The following HDGF variants were observed in gnomAD, a reference collection of about 807,000 sequenced individuals.
HDGF encodes heparin binding growth factor.
HDGF carries 5 observed loss-of-function variants against 30.0 expected under a neutral mutation model. That is an observed-to-expected ratio of 0.17 (90% CI 0.09 to 0.35). HDGF has a LOEUF of 0.35. HDGF is among the 10% of genes least tolerant of loss of function. The probability of loss-of-function intolerance (pLI) is 1.00; values close to 1 mark genes in which losing one functional copy is unlikely to be tolerated. For synonymous variants in HDGF, 133 were observed against 112.7 expected, an observed-to-expected ratio of 1.18 and a Z score of -1.14; for missense variants, 214 against 302.8, an observed-to-expected ratio of 0.71 and a Z score of 2.18.
chr1:156,753,771 G>A (rs1313390173), upstream of HDGF, among the ~76,000 whole-genome samples: 5 of 151,842 alleles, frequency 3.3e-5, no homozygotes, highest in Middle Eastern at 6.4e-3. Flanking sequence ...GCCTGGTTTC[G>A]AACTCCTGAT....
At position 156,742,311 on chromosome 1, in the gene HDGF, G is replaced by A. The variant is rs1219762679; in HGVS notation, c.*1138C>T. 1 of 152,610 alleles carries A rather than the reference G, an allele frequency of 6.6e-6. No homozygotes were observed. The highest frequency in any genetic ancestry group is 1.9e-4 in the East Asian group (1 of 5,196). 9.5% of individuals were successfully genotyped at this position (152,610 alleles called of 1,614,324 possible). A position where few individuals can be genotyped will look rare whatever the true frequency, so the allele number is the denominator to read the frequency against. On this transcript the variant is annotated 3_prime_UTR_variant, in exon 6 of 6. Coordinates refer to ENST00000357325, the MANE Select transcript of HDGF (RefSeq NM_004494.3). ...ACTTATTTCTCTCTGTCCTCTCAGT[G>A]GGTTACAAATCAGATCTGGTGACAA...
At chr1:156,761,730 G>C (rs1189670622) in intron 1 of HDGF, among the ~76,000 whole-genome samples, 1 of 150,904 alleles carries the variant, frequency 6.6e-6, no homozygotes, top group Non-Finnish European at 1.5e-5. Context: ...GGCGGATCTT[G>C]AGGTCAAGAG....
At chr1:156,759,313 T>C (rs1651204554) in intron 1 of HDGF, 1 of 152,206 alleles carries the variant, frequency 6.6e-6, no homozygotes, top group African/African-American at 2.4e-5. Flanking sequence ...GCAGAAATAT[T>C]GTGGGTATTC....
upstream of HDGF, among the ~76,000 whole-genome samples, chr1:156,757,106 T>C (rs1651166051): frequency 1.3e-5 from 2 of 151,850 alleles, no homozygotes; most frequent in South Asian, 4.2e-4. Flanking sequence ...TTCTGTTTTT[T>C]TGAAAAAGGG....
intron 1 of HDGF, among the ~76,000 whole-genome samples, chr1:156,746,812 T>C (rs1457712376): frequency 6.6e-6 from 1 of 152,088 alleles, no homozygotes; most frequent in African/African-American, 2.4e-5. Context: ...CCATGATGAC[T>C]GGGGCCCCAG....
intron 1 of HDGF, among the ~76,000 whole-genome samples, chr1:156,759,697 G>T (rs1167597572): frequency 6.6e-6 from 1 of 152,026 alleles, no homozygotes; most frequent in Non-Finnish European, 1.5e-5. Context: ...GGTCAGGCTG[G>T]TCTCAAACTC....
intron 1 of HDGF, among the ~76,000 whole-genome samples, chr1:156,760,074 T>A (rs963283492): frequency 7.9e-5 from 12 of 152,250 alleles, no homozygotes; most frequent in African/African-American, 1.2e-4. Flanking sequence ...CAAGCAGTAC[T>A]GGAAGTAACT....
At chr1:156,748,039 C>T (rs2102718177) in intron 1 of HDGF, among the ~76,000 whole-genome samples, 1 of 152,256 alleles carries the variant, frequency 6.6e-6, no homozygotes, top group East Asian at 1.9e-4. Flanking sequence ...CTGCTGACTT[C>T]TAGCTACATA....
In HDGF at chr1:156,746,548, T is replaced by A. The variant is rs188861776; in HGVS notation, c.88-1175A>T. On this transcript the variant is annotated intron_variant, in intron 1 of 5. Coordinates refer to ENST00000357325, the MANE Select transcript of HDGF (RefSeq NM_004494.3). ...GTTGAGGGCCAGGTCTCAGGTCACCTGACTAAATCCCCCGCCCCACGTGTC... is the reference window on the plus strand; with the variant it reads ...GTTGAGGGCCAGGTCTCAGGTCACCAGACTAAATCCCCCGCCCCACGTGTC... Among the ~76,000 whole-genome samples the A allele has an allele frequency of 2.3e-3, 356 of 152,362 alleles. 9 individuals carry two copies. Among genetic ancestry groups the A allele is most frequent in the Admixed American group, 0.022 (341 of 15,302 alleles).
At chr1:156,745,635 C>T (rs12040421) in intron 1 of HDGF, among the ~76,000 whole-genome samples, 32,954 of 152,102 alleles carry the variant, frequency 0.22, 3,700 homozygotes, top group South Asian at 0.3. Context: ...CATGTCTGGC[C>T]ACAAAGCCCC....
At chr1:156,748,457 T>C (rs987294285) in intron 1 of HDGF, among the ~76,000 whole-genome samples, 2 of 152,120 alleles carry the variant, frequency 1.3e-5, no homozygotes, top group Non-Finnish European at 2.9e-5. Flanking sequence ...CAAATAGTGC[T>C]GGGGACCCCA....
chr1:156,763,039 C>G (rs1218559158), intron 1 of HDGF, among the ~76,000 whole-genome samples: 1 of 152,188 alleles, frequency 6.6e-6, no homozygotes, highest in Non-Finnish European at 1.5e-5. Flanking sequence ...TGGTGCATCT[C>G]TTTTCCACCT....
At chr1:156,764,112 G>A (rs1183077452) in intron 1 of HDGF, among the ~76,000 whole-genome samples, 1 of 147,878 alleles carries the variant, frequency 6.8e-6, no homozygotes, top group African/African-American at 2.5e-5. Flanking sequence ...TTTTTGTAGA[G>A]ACAAGGTTTC....
upstream of HDGF, among the ~76,000 whole-genome samples, chr1:156,755,018 C>T (rs1338161111): frequency 1.3e-5 from 2 of 152,098 alleles, no homozygotes; most frequent in Non-Finnish European, 1.5e-5. Context: ...CTAATGCGCT[C>T]CAAGGTGCTG....
At chr1:156,766,186 G>C (rs1651371253) in intron 1 of HDGF, among the ~76,000 whole-genome samples, 1 of 152,184 alleles carries the variant, frequency 6.6e-6, no homozygotes, top group Admixed American at 6.5e-5. Context: ...GGGAGGAGGT[G>C]CCCCATATCA....
chr1:156,767,330 A>C (rs1372814716), upstream of HDGF, among the ~76,000 whole-genome samples: 5 of 152,078 alleles, frequency 3.3e-5, no homozygotes, highest in Admixed American at 6.5e-5. Context: ...GACGAAAAAA[A>C]CTACTCACCC....
Position 156,743,681 on chromosome 1 carries a change from A to T in HDGF, c.687T>A (p.Ala229=), listed in dbSNP as rs766378728. ...DEEEEATKED[A]EAPGIRDHES... ...CATGATCTCTGATGCCTGGGGCCTC[A>T]GCATCTTCCTTGGTAGCCTCTTCCT... The change falls in exon 5 of 6, where the codon GCT becomes GCA. Residue 229 remains alanine, a synonymous_variant. Coordinates refer to ENST00000357325, the MANE Select transcript of HDGF (RefSeq NM_004494.3). 3.7e-6 allele frequency: 6 copies of T among 1,611,962 alleles called. No homozygotes were observed. In the African/African-American group the frequency reaches 8.0e-5, roughly 22 times the overall value.
intron 1 of HDGF, among the ~76,000 whole-genome samples, chr1:156,746,293 G>A (rs539598598): frequency 2.6e-5 from 4 of 151,870 alleles, no homozygotes; most frequent in South Asian, 2.1e-4. Context: ...TCTGCAGCAC[G>A]GTGCTTAGCA....
chr1:156,744,536 CGGGCAGGCA>C (rs1558032256), intron 3 of HDGF, 188 bp from the exon 4 acceptor site: 7 of 1,550,866 alleles, frequency 4.5e-6, no homozygotes, highest in Middle Eastern at 1.7e-4. Flanking sequence ...ACCCACTGGC[CGGGCAGGCA>C]GGGCTCTGTG....
Sources: allele counts gnomAD v4.1 joint callset (sites outside exome capture counted in the v4.1 genomes callset), GRCh38; gene constraint gnomAD v4.1.1; transcripts MANE v1.5; gene names NCBI Gene and HGNC (gene_info 2026-07-23, HGNC 2026-07-21).